The following SPDYA variants were observed in gnomAD, a reference collection of about 807,000 sequenced individuals.
SPDYA encodes speedy/RINGO cell cycle regulator family member A, also known as speedy protein A.
SPDYA carries 11 observed loss-of-function variants against 36.7 expected under a neutral mutation model. The ratio of observed to expected loss-of-function variants is 0.30; its 90% CI spans 0.19 to 0.50. SPDYA has a LOEUF of 0.50. Among genes scored for constraint, SPDYA ranks in the 20% least tolerant of loss-of-function variants. SPDYA has a pLI of 0.98. For synonymous variants in SPDYA, 115 were observed against 118.7 expected, an observed-to-expected ratio of 0.97 and a Z score of 0.20; for missense variants, 287 against 370.9, an observed-to-expected ratio of 0.77 and a Z score of 1.86.
chr2:28,834,694 T>C (rs1393605341), intron 6 of SPDYA, among the ~76,000 whole-genome samples: 1 of 152,162 alleles, frequency 6.6e-6, no homozygotes, highest in Admixed American at 6.5e-5. Context: ...GAAAGTAGAT[T>C]AGTAGTTGTT....
At position 28,811,643 on chromosome 2, in the gene SPDYA, G is replaced by A. The variant is rs183363198; in HGVS notation, c.-93+696G>A. ...GAGAGCAGCCCACAGCGAAAACCCC[G>A]TCTCTACAAAAAAATAATGAAAAAA... On this transcript the variant is annotated intron_variant, in intron 1 of 7. Transcript: ENST00000334056. The surrounding 1 kb of genome is among the most constrained non-coding windows in gnomAD (Gnocchi z 4.2). Among the ~76,000 whole-genome samples the A allele has an allele frequency of 3.7e-3, 557 of 151,794 alleles. 5 individuals are homozygous for A. Among genetic ancestry groups the A allele is most frequent in the African/African-American group, 0.011 (472 of 41,366 alleles).
intron 7 of SPDYA, chr2:28,840,806 C>T: frequency 1.0e-6 from 1 of 997,740 alleles, no homozygotes; most frequent in Non-Finnish European, 1.2e-6. Flanking sequence ...ATCTCACCTT[C>T]CAACTATTGG....
In SPDYA at chr2:28,819,101, G is replaced by T; in HGVS notation, c.289G>T (p.Asp97Tyr). The T allele has an allele frequency of 6.2e-7, 1 of 1,610,976 alleles. No individual in the cohort carries two copies. ...GATGGACTGCTGCTGTAAAATTGCAGACAAGGTAAATTTGGTAACAGTATA... is the reference window on the plus strand; with the variant it reads ...GATGGACTGCTGCTGTAAAATTGCATACAAGGTAAATTTGGTAACAGTATA... The part of the protein sequence containing the change: ...LWMDCCCKIA[D>Y]KYLLAMTFVY... Residue 97 changes from aspartate to tyrosine, a missense_variant, in exon 4 of 8, where the codon GAC (aspartate) becomes TAC (tyrosine). Coordinates refer to ENST00000334056, the MANE Select transcript of SPDYA (RefSeq NM_182756.4).
At chr2:28,830,200 C>CTTTTTT (rs573724918) in intron 6 of SPDYA, among the ~76,000 whole-genome samples, 1 of 108,738 alleles carries the variant, frequency 9.2e-6, no homozygotes, top group African/African-American at 3.3e-5. Context: ...ATAGTAAGTA[C>CTTTTTT]TTTTTTTTTT....
At chr2:28,816,862 AT>A (rs10633240) in intron 3 of SPDYA, among the ~76,000 whole-genome samples, 5,976 of 149,312 alleles carry the variant, frequency 0.04, 421 homozygotes, top group African/African-American at 0.14. Flanking sequence ...AAGAGAGGGA[AT>A]TTTTTTTTTT....
At chr2:28,841,167 C>G (rs893726162) in intron 7 of SPDYA, among the ~76,000 whole-genome samples, 1 of 152,162 alleles carries the variant, frequency 6.6e-6, no homozygotes, top group East Asian at 1.9e-4. Context: ...CTCCTGGCCT[C>G]AAGTGATCTG....
intron 5 of SPDYA, among the ~76,000 whole-genome samples, chr2:28,824,569 C>T (rs571467625): frequency 6.4e-5 from 2 of 31,260 alleles, no homozygotes; most frequent in South Asian, 1.7e-3. Context: ...TTTTTTGTGA[C>T]AGAGTCTCTC....
chr2:28,826,388 A>G (rs1256345848), intron 5 of SPDYA, among the ~76,000 whole-genome samples: 1 of 151,892 alleles, frequency 6.6e-6, no homozygotes, highest in Non-Finnish European at 1.5e-5. Context: ...CCACCCGCCT[A>G]AGCCTCCCAA....
intron 4 of SPDYA, among the ~76,000 whole-genome samples, chr2:28,819,842 AAAAAAAAATATATATATATATATATATAT>A (rs1558322327): frequency 3.2e-4 from 15 of 47,400 alleles, no homozygotes; most frequent in African/African-American, 1.4e-3. Flanking sequence ...AAAAAAAAAA[AAAAAAAAATATATATATATATATATATAT>A]ATATATATAT....
chr2:28,810,973 G>A (rs976446382), intron 1 of SPDYA, 26 bp downstream of exon 1: 12 of 152,270 alleles, frequency 7.9e-5, no homozygotes, highest in Admixed American at 5.2e-4. Context: ...CCCGGGAAGG[G>A]GCCTCGCAGG....
chr2:28,831,050 T>C (rs113056570), intron 6 of SPDYA, among the ~76,000 whole-genome samples: 3 of 152,300 alleles, frequency 2.0e-5, no homozygotes, highest in African/African-American at 7.2e-5. Flanking sequence ...GAAACTATAT[T>C]ATTTCTTTTA....
At chr2:28,819,820 TAAAAAAAA>T (rs1174507151) in intron 4 of SPDYA, among the ~76,000 whole-genome samples, 21 of 17,206 alleles carry the variant, frequency 1.2e-3, no homozygotes, top group African/African-American at 4.9e-3. Context: ...CCTGGTCTCT[TAAAAAAAA>T]AAAAAAAAAA....
rs1362262400 is a variant in SPDYA, at chr2:28,845,265, C to CT, written c.851-4574dup. On this transcript the variant is annotated intron_variant, in intron 7 of 7. Transcript: ENST00000334056. ...CATGCCCAGCTTTTTTTTTTTTTTT[C>CT]TTTTTTTTTTTGTAGAGACTTCCTA... Among the ~76,000 whole-genome samples, 214 of 106,872 alleles carry CT rather than the reference C, an allele frequency of 2.0e-3. 2 individuals are homozygous for CT. Among genetic ancestry groups the CT allele is most frequent in the Middle Eastern group, 5.3e-3 (1 of 190 alleles). 70.1% of individuals were successfully genotyped at this position (106,872 alleles called of 152,430 possible). A position where few individuals can be genotyped will look rare whatever the true frequency, so the allele number is the denominator to read the frequency against.
At chr2:28,824,545 C>CTTTCTTTCTTT (rs1553315248) in intron 5 of SPDYA, among the ~76,000 whole-genome samples, 1 of 121,876 alleles carries the variant, frequency 8.2e-6, no homozygotes, top group Non-Finnish European at 1.6e-5. Context: ...TTTTTCTTTT[C>CTTTCTTTCTTT]TTTCTTTCTT....
rs58731880 is a variant in SPDYA at position 28,846,722 on chromosome 2, T to TACACACACACACACAC, written c.851-3092_851-3077dup. The stretch of plus-strand genomic sequence containing the variant: ...AAAAAGAAGAGAAATAGAAGAAAAC[T>TACACACACACACACAC]ACACACACACACACACACACACACA... On this transcript the variant is annotated intron_variant, in intron 7 of 7. Coordinates refer to ENST00000334056, the MANE Select transcript of SPDYA (RefSeq NM_182756.4). Among the ~76,000 whole-genome samples, 47 of 126,554 alleles carry TACACACACACACACAC rather than the reference T, an allele frequency of 3.7e-4. 1 individual carries two copies. The highest frequency in any genetic ancestry group is 1.2e-3 in the African/African-American group (38 of 32,858). The allele number at this position is 126,554 out of a possible 152,430, so 83.0% of individuals were successfully genotyped here.
chr2:28,814,780 C>T (rs998262196), intron 2 of SPDYA, 94 bp downstream of exon 2: 1 of 152,042 alleles, frequency 6.6e-6, no homozygotes, highest in African/African-American at 2.4e-5. Context: ...ACCTCAATTT[C>T]CCATTATCCT....
At chr2:28,849,702 G>A (rs1389501605) in intron 7 of SPDYA, 148 bp from the exon 8 acceptor site, 4 of 537,908 alleles carry the variant, frequency 7.4e-6, no homozygotes, top group African/African-American at 2.0e-5. Flanking sequence ...AATTTTTAAG[G>A]TGATTATATC....
chr2:28,819,316 C>T (rs1182045236), intron 4 of SPDYA, among the ~76,000 whole-genome samples: 2 of 152,024 alleles, frequency 1.3e-5, no homozygotes, highest in African/African-American at 4.8e-5. Context: ...GGAGACCAGC[C>T]TGGGCAACAT....
chr2:28,834,109 C>CACACAA (rs1668535410), intron 6 of SPDYA, among the ~76,000 whole-genome samples: 1 of 151,858 alleles, frequency 6.6e-6, no homozygotes, highest in African/African-American at 2.4e-5. Context: ...CACACACACA[C>CACACAA]ACACACTTGA....
Sources: allele counts gnomAD v4.1 joint callset (sites outside exome capture counted in the v4.1 genomes callset), GRCh38; gene constraint gnomAD v4.1.1; non-coding constraint Gnocchi (gnomAD v3.1); transcripts MANE v1.5; gene names NCBI Gene and HGNC (gene_info 2026-07-23, HGNC 2026-07-21).